Variants in ETFA observed in about 807,000 individuals in gnomAD.
The protein encoded by ETFA is electron transfer flavoprotein subunit alpha, mitochondrial.
A neutral mutation model predicts 46.2 loss-of-function variants in ETFA; 22 were observed. The ratio of observed to expected loss-of-function variants is 0.48; its 90% CI spans 0.34 to 0.68. ETFA has a LOEUF of 0.68. Among genes scored for constraint, ETFA ranks in the 30% least tolerant of loss-of-function variants. The pLI is 0.01. For missense variants in ETFA, 345 were observed against 401.1 expected, an observed-to-expected ratio of 0.86 and a Z score of 1.19; for synonymous variants, 131 against 139.9, an observed-to-expected ratio of 0.94 and a Z score of 0.45.
At chr15:76,236,786 C>T (rs939661505) in intron 9 of ETFA, among the ~76,000 whole-genome samples, 3 of 152,134 alleles carry the variant, frequency 2.0e-5, no homozygotes, top group African/African-American at 7.2e-5. Flanking sequence ...CAGATGAAAA[C>T]TACTGGTTTA....
chr15:76,223,635 G>A (rs771124632), intron 11 of ETFA, among the ~76,000 whole-genome samples: 9 of 152,098 alleles, frequency 5.9e-5, no homozygotes, highest in African/African-American at 1.2e-4. Flanking sequence ...GTCCAATGTG[G>A]GCTTCCTAAA....
At chr15:76,272,364 G>T (rs1016116926) in intron 9 of ETFA, among the ~76,000 whole-genome samples, 1 of 151,924 alleles carries the variant, frequency 6.6e-6, no homozygotes, top group Non-Finnish European at 1.5e-5. Flanking sequence ...GGGACTACAG[G>T]CACATGCCAC....
intron 11 of ETFA, among the ~76,000 whole-genome samples, chr15:76,218,587 A>C (rs2142102645): frequency 6.6e-6 from 1 of 152,262 alleles, no homozygotes; most frequent in African/African-American, 2.4e-5. Context: ...CACACCTTTA[A>C]AGCATACCAC....
chr15:76,220,274 G>A (rs1457509549), intron 11 of ETFA, among the ~76,000 whole-genome samples: 1 of 152,140 alleles, frequency 6.6e-6, no homozygotes, highest in Non-Finnish European at 1.5e-5. Flanking sequence ...CGCCTTGTTG[G>A]CCAGGCTGGT....
At chr15:76,249,417 C>A (rs943679113) in intron 9 of ETFA, among the ~76,000 whole-genome samples, 1 of 149,330 alleles carries the variant, frequency 6.7e-6, no homozygotes, top group African/African-American at 2.5e-5. Context: ...CGTGAACCAC[C>A]ACGCCCAGTC....
chr15:76,284,498 A>AT, intron 7 of ETFA: 1 of 200,366 alleles, frequency 5.0e-6, no homozygotes. Flanking sequence ...TTATTTATTT[A>AT]TTTATTTTTT....
At chr15:76,218,732 A>T (rs2038924763) in intron 11 of ETFA, among the ~76,000 whole-genome samples, 3 of 152,214 alleles carry the variant, frequency 2.0e-5, no homozygotes, top group Admixed American at 2.0e-4. Context: ...CTACTCAGTA[A>T]GACCCAATAA....
At chr15:76,265,550 T>C (rs1317065034) in intron 9 of ETFA, among the ~76,000 whole-genome samples, 1 of 152,224 alleles carries the variant, frequency 6.6e-6, no homozygotes, top group Non-Finnish European at 1.5e-5. Flanking sequence ...TTTAAATCAA[T>C]GGCCTCGACA....
At chr15:76,235,276 G>A (rs1215544010) in intron 9 of ETFA, among the ~76,000 whole-genome samples, 1 of 152,184 alleles carries the variant, frequency 6.6e-6, no homozygotes, top group Non-Finnish European at 1.5e-5. Context: ...TAGGTGGCCA[G>A]GTGGGCTCCT....
chr15:76,279,533 T>C (rs2039627711), intron 8 of ETFA, among the ~76,000 whole-genome samples: 1 of 151,624 alleles, frequency 6.6e-6, no homozygotes, highest in East Asian at 2.0e-4. Flanking sequence ...CACTTTGGCC[T>C]CCCAAAGTGT....
intron 9 of ETFA, among the ~76,000 whole-genome samples, chr15:76,265,375 A>C (rs1334211821): frequency 6.6e-6 from 1 of 152,208 alleles, no homozygotes; most frequent in Non-Finnish European, 1.5e-5. Flanking sequence ...ACTAGGAAGC[A>C]GCACAGTGAA....
chr15:76,216,393 C>A lies in ETFA; in HGVS notation c.*166G>T. Reference sequence around the variant, plus strand: ...GGAACCACAAATAATTAAAAGGAAACACAGCAATCCCATAAACAAGCATTC... The same window carrying A: ...GGAACCACAAATAATTAAAAGGAAAAACAGCAATCCCATAAACAAGCATTC... On this transcript the variant is annotated 3_prime_UTR_variant, in exon 12 of 12. Transcript: ENST00000557943. 1.7e-6 allele frequency: 1 copy of A among 584,912 alleles called. No homozygotes were observed. The allele number at this position is 584,912 out of a possible 1,614,324, so 36.2% of individuals were successfully genotyped here.
intron 1 of ETFA, among the ~76,000 whole-genome samples, chr15:76,307,596 C>G (rs950712578): frequency 1.3e-5 from 2 of 151,854 alleles, no homozygotes; most frequent in African/African-American, 4.8e-5. Context: ...AAGCAAGTCT[C>G]GTGCCTCAGC....
At chr15:76,227,765 T>G (rs2039018717) in intron 10 of ETFA, 2 of 452,726 alleles carry the variant, frequency 4.4e-6, no homozygotes, top group African/African-American at 2.0e-5. Flanking sequence ...ATTAAGTATT[T>G]TGATGTAGCC....
rs749707827 is a variant in ETFA, at chr15:76,274,473, A to G, written c.755T>C (p.Val252Ala). ...HAAVGASRAAVDAGFVPNDMQ... is the reference protein window; with the variant it reads ...HAAVGASRAAADAGFVPNDMQ... ...GTCATTGGGAACAAAGCCAGCATCA[A>G]CAGCAGCACGGGAAGCACCAACTAA... is the stretch of plus-strand genomic sequence containing the variant. The change falls in exon 9 of 12, where the codon GTT becomes GCT. Residue 252 changes from valine (V) to alanine (A), a missense_variant. Physicochemically the swap from Val to Ala is moderately conservative, Grantham distance 64 (BLOSUM62 0). Transcript: ENST00000557943. 1.9e-6 allele frequency: 3 copies of G among 1,612,564 alleles called. No homozygotes were observed. Among genetic ancestry groups the G allele is most frequent in the Non-Finnish European group, 2.5e-6 (3 of 1,179,224 alleles).
chr15:76,217,672 AG>A, intron 11 of ETFA: 1 of 450,844 alleles, frequency 2.2e-6, no homozygotes. Flanking sequence ...GAGCTGTCCA[AG>A]GGGGCTGCAG....
chr15:76,244,132 G>A (rs550093881), intron 9 of ETFA, among the ~76,000 whole-genome samples: 36 of 152,088 alleles, frequency 2.4e-4, no homozygotes, highest in Non-Finnish European at 4.1e-4. Context: ...TGATTTGCCC[G>A]CCTCAGCCTC....
intron 9 of ETFA, among the ~76,000 whole-genome samples, chr15:76,258,793 T>C (rs2039372520): frequency 6.6e-6 from 1 of 152,212 alleles, no homozygotes; most frequent in Non-Finnish European, 1.5e-5. Flanking sequence ...GATGCCAGGC[T>C]GGCCACAGAG....
chr15:76,241,801 C>CAA (rs1165964434), intron 9 of ETFA, among the ~76,000 whole-genome samples: 926 of 30,538 alleles, frequency 0.03, 94 homozygotes, highest in African/African-American at 0.13. Flanking sequence ...GACTCCATCT[C>CAA]AAAAAAAAAA....
Sources: allele counts gnomAD v4.1 joint callset (sites outside exome capture counted in the v4.1 genomes callset), GRCh38; gene constraint gnomAD v4.1.1; transcripts MANE v1.5; gene names NCBI Gene and HGNC (gene_info 2026-07-23, HGNC 2026-07-21).